Variants in IMMP2L observed in about 807,000 individuals in gnomAD.
IMMP2L encodes inner mitochondrial membrane peptidase subunit 2.
In IMMP2L, 18 loss-of-function variants were observed where a neutral mutation model predicts 19.3. The ratio of observed to expected loss-of-function variants is 0.93; its 90% CI spans 0.64 to 1.38. The LOEUF (loss-of-function observed/expected upper bound fraction) is 1.38, where lower values mean the gene tolerates loss of function less well. Among genes scored for constraint, IMMP2L ranks in the 40% most tolerant of loss-of-function variants. IMMP2L has a pLI of 0.00. For synonymous variants in IMMP2L, 76 were observed against 73.0 expected (o/e 1.04, Z -0.21); for missense variants, 233 against 218.2 (o/e 1.07, Z -0.43).
chr7:111,284,499 G>A (rs1004058854), intron 3 of IMMP2L, among the ~76,000 whole-genome samples: 15 of 152,116 alleles, frequency 9.9e-5, no homozygotes, highest in African/African-American at 3.6e-4. Flanking sequence ...AAACTTGAAG[G>A]GAAATCCATG....
At chr7:110,795,009 A>C (rs1345442649) in intron 5 of IMMP2L, among the ~76,000 whole-genome samples, 1 of 152,086 alleles carries the variant, frequency 6.6e-6, no homozygotes, top group Non-Finnish European at 1.5e-5. Flanking sequence ...CCTCTGGTTC[A>C]GATACATGGA....
chr7:111,529,865 T>C (rs951006587), intron 1 of IMMP2L, among the ~76,000 whole-genome samples: 3 of 152,172 alleles, frequency 2.0e-5, no homozygotes, highest in Non-Finnish European at 2.9e-5. Flanking sequence ...TTGAAGGTCA[T>C]GCTCTAGTAC....
chr7:111,172,847 T>C (rs180732859), intron 3 of IMMP2L, among the ~76,000 whole-genome samples: 1 of 151,750 alleles, frequency 6.6e-6, no homozygotes. Context: ...AAAGGCAACC[T>C]ACCATTAAAT....
chr7:110,865,140 T>C (rs1005285682), intron 5 of IMMP2L, among the ~76,000 whole-genome samples: 3 of 152,076 alleles, frequency 2.0e-5, no homozygotes, highest in Non-Finnish European at 4.4e-5. Flanking sequence ...CTGTATTATT[T>C]GTAAAAGATT....
chr7:111,284,650 A>C (rs1242416573), intron 3 of IMMP2L, among the ~76,000 whole-genome samples: 1 of 152,156 alleles, frequency 6.6e-6, no homozygotes, highest in African/African-American at 2.4e-5. Context: ...GGGCTTTAAA[A>C]ATTTCACAAA....
intron 3 of IMMP2L, among the ~76,000 whole-genome samples, chr7:111,339,186 C>T (rs1439738547): frequency 6.6e-6 from 1 of 151,980 alleles, no homozygotes; most frequent in African/African-American, 2.4e-5. Flanking sequence ...CAGAATGTAT[C>T]ATTTTGCAGA....
At chr7:110,777,114 C>T (rs1433941250) in intron 5 of IMMP2L, among the ~76,000 whole-genome samples, 1 of 151,942 alleles carries the variant, frequency 6.6e-6, no homozygotes, top group African/African-American at 2.4e-5. Flanking sequence ...ACTAGAAATT[C>T]CTGAGAATGT....
chr7:111,080,977 C>G (rs1795840586), intron 3 of IMMP2L, among the ~76,000 whole-genome samples: 1 of 152,190 alleles, frequency 6.6e-6, no homozygotes, highest in African/African-American at 2.4e-5. Context: ...AGATCAGAAA[C>G]AGCTGGCAGC....
At chr7:111,056,921 A>G (rs1793562367) in intron 3 of IMMP2L, among the ~76,000 whole-genome samples, 1 of 152,068 alleles carries the variant, frequency 6.6e-6, no homozygotes, top group South Asian at 2.1e-4. Flanking sequence ...CCACATATAA[A>G]TGCAGTTCAG....
At chr7:111,336,767 A>C (rs1294039073) in intron 3 of IMMP2L, among the ~76,000 whole-genome samples, 1 of 151,984 alleles carries the variant, frequency 6.6e-6, no homozygotes, top group Non-Finnish European at 1.5e-5. Context: ...TCTTTCTGCT[A>C]AATTAATTTT....
intron 3 of IMMP2L, among the ~76,000 whole-genome samples, chr7:110,976,543 T>TA (rs1478096669): frequency 1.3e-5 from 2 of 152,086 alleles, no homozygotes; most frequent in Non-Finnish European, 2.9e-5. Context: ...ACTGAGATTT[T>TA]AAAAAATTTT....
intron 5 of IMMP2L, among the ~76,000 whole-genome samples, chr7:110,829,335 A>G (rs1360413663): frequency 2.0e-5 from 3 of 152,218 alleles, no homozygotes; most frequent in Admixed American, 6.5e-5. Context: ...GGAGTGGGAT[A>G]TAACAGCTTA....
intron 5 of IMMP2L, among the ~76,000 whole-genome samples, chr7:110,832,170 G>A (rs528118148): frequency 5.9e-5 from 9 of 152,252 alleles, no homozygotes; most frequent in Admixed American, 1.3e-4. Context: ...GCTGAGGCAG[G>A]GGAATCATTT....
chr7:110,935,279 AT>A (rs1056697991), intron 4 of IMMP2L, among the ~76,000 whole-genome samples: 3 of 152,130 alleles, frequency 2.0e-5, no homozygotes, highest in African/African-American at 7.2e-5. Flanking sequence ...TGAATATGAA[AT>A]TTTGGGTTGA....
chr7:111,436,361 TAC>T (rs1456071895), intron 3 of IMMP2L, among the ~76,000 whole-genome samples: 1 of 151,736 alleles, frequency 6.6e-6, no homozygotes, highest in Non-Finnish European at 1.5e-5. Context: ...GGAAATACAC[TAC>T]ACTCTAAAAA....
At chr7:110,887,344 T>C (rs1810325419) in intron 4 of IMMP2L, among the ~76,000 whole-genome samples, 1 of 152,084 alleles carries the variant, frequency 6.6e-6, no homozygotes, top group South Asian at 2.1e-4. Flanking sequence ...ACATTCTATA[T>C]TAATGTTGGC....
chr7:110,911,240 T>A (rs567456250), intron 4 of IMMP2L, among the ~76,000 whole-genome samples: 1 of 152,132 alleles, frequency 6.6e-6, no homozygotes, highest in African/African-American at 2.4e-5. Flanking sequence ...CTATCTTGTA[T>A]AGTAAGAAGT....
intron 3 of IMMP2L, chr7:111,124,239 A>G: frequency 6.2e-7 from 1 of 1,613,994 alleles, no homozygotes; most frequent in Non-Finnish European, 8.5e-7. Context: ...TAACTCCCAA[A>G]GAAGGGGGTT....
intron 3 of IMMP2L, among the ~76,000 whole-genome samples, chr7:111,013,870 A>G (rs1211288593): frequency 6.6e-6 from 1 of 151,922 alleles, no homozygotes; most frequent in Non-Finnish European, 1.5e-5. Context: ...ACCACCTCAT[A>G]TAGCTTTCAT....
Sources: allele counts gnomAD v4.1 joint callset (sites outside exome capture counted in the v4.1 genomes callset), GRCh38; gene constraint gnomAD v4.1.1; transcripts MANE v1.5; gene names NCBI Gene and HGNC (gene_info 2026-07-23, HGNC 2026-07-21).